CACNG2: variants seen among roughly 807,000 people sequenced by gnomAD.
CACNG2 encodes calcium voltage-gated channel auxiliary subunit gamma 2.
Under a neutral mutation model 25.9 loss-of-function variants are expected in CACNG2, and 3 were observed. That is an observed-to-expected ratio of 0.12 (90% CI 0.05 to 0.30). The LOEUF is 0.30. Ranked by LOEUF, CACNG2 falls within the 10% of genes least tolerant of loss-of-function variation. The pLI is 1.00. For missense variants in CACNG2, 341 were observed against 432.5 expected, an observed-to-expected ratio of 0.79 and a Z score of 1.88; for synonymous variants, 167 against 173.3, an observed-to-expected ratio of 0.96 and a Z score of 0.29.
intron 1 of CACNG2, among the ~76,000 whole-genome samples, chr22:36,609,116 C>A (rs1208006219): frequency 6.6e-6 from 1 of 152,132 alleles, no homozygotes; most frequent in East Asian, 1.9e-4. Flanking sequence ...CGGCAGGAAT[C>A]AGCCCCCTAG....
At position 36,564,298 on chromosome 22, in the gene CACNG2, G is replaced by GC. The variant is rs1294368762; in HGVS notation, c.*52dup. ...GGTCTGGGTCTCCCCGCCCCGCCCC[G>GC]CCCCCGGGGACCGCGCCCTCCTCCC... On this transcript the variant is annotated 3_prime_UTR_variant, in exon 4 of 4. Coordinates refer to ENST00000300105, the MANE Select transcript of CACNG2 (RefSeq NM_006078.5). The surrounding 1 kb of genome is among the most constrained non-coding windows in gnomAD (Gnocchi z 6.7). The GC allele has an allele frequency of 2.6e-6, 3 of 1,143,860 alleles. No homozygotes were observed. The African/African-American group carries it at 4.8e-5, about 18-fold the overall frequency. The allele number at this position is 1,143,860 out of a possible 1,614,324, so 70.9% of individuals were successfully genotyped here.
chr22:36,631,742 T>TA lies in CACNG2; in HGVS notation c.212-44195_212-44194insT, dbSNP rs71193251. Among the ~76,000 whole-genome samples, 224 of 145,174 alleles carry TA rather than the reference T, an allele frequency of 1.5e-3. 1 individual carries two copies. Among genetic ancestry groups the TA allele is most frequent in the Non-Finnish European group, 2.6e-3 (171 of 64,822 alleles). Reference sequence around the variant, plus strand: ...GCCCGGTTATGTGAGCAACTCTTTTTTTTTTTTTTTTTACTGTGAAGCCAG... The same window carrying TA: ...GCCCGGTTATGTGAGCAACTCTTTTTATTTTTTTTTTTTACTGTGAAGCCAG... On this transcript the variant is annotated intron_variant, in intron 1 of 3. Transcript: ENST00000300105.
At chr22:36,582,532 A>C (rs1443255101) in intron 2 of CACNG2, among the ~76,000 whole-genome samples, 1 of 151,416 alleles carries the variant, frequency 6.6e-6, no homozygotes, top group Admixed American at 6.6e-5. Flanking sequence ...CAGCCTCCTG[A>C]GTAGCTGGGA....
In CACNG2 at chr22:36,702,776, A is replaced by T; in HGVS notation, c.-200T>A. 1 of 543,062 alleles carries T rather than the reference A, an allele frequency of 1.8e-6. No individual in the cohort carries two copies. The highest frequency in any genetic ancestry group is 2.6e-5 in the South Asian group (1 of 38,334). The allele number at this position is 543,062 out of a possible 1,614,324, so 33.6% of individuals were successfully genotyped here. ...AAGCTCACGGAAAAGAGTGTAAATT[A>T]TAAAGATCACACGGGAAGAGGCTTG... On this transcript the variant is annotated 5_prime_UTR_variant, in exon 1 of 4. Coordinates refer to ENST00000300105, the MANE Select transcript of CACNG2 (RefSeq NM_006078.5).
intron 1 of CACNG2, among the ~76,000 whole-genome samples, chr22:36,601,054 C>G (rs1935747527): frequency 6.6e-6 from 1 of 152,132 alleles, no homozygotes; most frequent in Non-Finnish European, 1.5e-5. Context: ...ATATTATTAA[C>G]AATAGTCCCC....
intron 1 of CACNG2, among the ~76,000 whole-genome samples, chr22:36,632,469 CCTCTCTCTCT>C (rs131827): frequency 2.7e-5 from 4 of 145,734 alleles, no homozygotes; most frequent in East Asian, 2.1e-4. Flanking sequence ...TCTCTCCTCT[CCTCTCTCTCT>C]CTCTCTCTCT....
chr22:36,616,253 A>G (rs5756265), intron 1 of CACNG2, among the ~76,000 whole-genome samples: 13,338 of 152,072 alleles, frequency 0.088, 800 homozygotes, highest in East Asian at 0.23. Context: ...CATACTAAGA[A>G]CTCTGTAAAT....
chr22:36,665,016 A>C (rs1402387532), intron 1 of CACNG2, among the ~76,000 whole-genome samples: 2 of 152,148 alleles, frequency 1.3e-5, no homozygotes, highest in African/African-American at 4.8e-5. Context: ...GGCCTGCTAG[A>C]AGGACCTCAG....
At chr22:36,679,215 T>TTTCTTTCC (rs1937062347) in intron 1 of CACNG2, among the ~76,000 whole-genome samples, 1 of 137,218 alleles carries the variant, frequency 7.3e-6, no homozygotes, top group African/African-American at 2.7e-5. Context: ...TCTTTCTTTC[T>TTTCTTTCC]TTCTTTCTTT....
chr22:36,610,275 C>G (rs559045285), intron 1 of CACNG2, among the ~76,000 whole-genome samples: 8 of 141,812 alleles, frequency 5.6e-5, no homozygotes, highest in Non-Finnish European at 9.2e-5. Flanking sequence ...CCCCTTAGAG[C>G]GTGATTGGGC....
intron 1 of CACNG2, among the ~76,000 whole-genome samples, chr22:36,653,311 TG>T (rs1936648105): frequency 6.6e-6 from 1 of 151,614 alleles, no homozygotes; most frequent in Admixed American, 6.6e-5. Context: ...GCAACAAGAG[TG>T]AAGCTCAGTC....
At position 36,664,614 on chromosome 22, in the gene CACNG2, G is replaced by C. The variant is rs571095648; in HGVS notation, c.211+37752C>G. On this transcript the variant is annotated intron_variant, in intron 1 of 3. Coordinates refer to ENST00000300105, the MANE Select transcript of CACNG2 (RefSeq NM_006078.5). ...GGACCTGGAATCTGAAGCTAGATTT[G>C]AGGCCGACTGTCTTTCTACTCACTG... Among the ~76,000 whole-genome samples the C allele has an allele frequency of 3.9e-5, 6 of 152,296 alleles. No individual in the cohort carries two copies. The East Asian group carries it at 1.2e-3, about 29-fold the overall frequency.
chr22:36,586,861 C>G (rs1485823993), intron 2 of CACNG2, among the ~76,000 whole-genome samples: 1 of 152,078 alleles, frequency 6.6e-6, no homozygotes, highest in African/African-American at 2.4e-5. Flanking sequence ...AATGCTTTCT[C>G]TTGATAATAT....
chr22:36,593,832 C>T (rs929876929), intron 1 of CACNG2, among the ~76,000 whole-genome samples: 4 of 151,774 alleles, frequency 2.6e-5, no homozygotes, highest in Non-Finnish European at 4.4e-5. Flanking sequence ...ACTTGGAGCT[C>T]GGTGGGCCCT....
chr22:36,613,298 G>C (rs1310248205), intron 1 of CACNG2, among the ~76,000 whole-genome samples: 1 of 152,078 alleles, frequency 6.6e-6, no homozygotes, highest in Non-Finnish European at 1.5e-5. Flanking sequence ...GCACAGCAGG[G>C]AGTAATGAAA....
chr22:36,590,189 G>T (rs2145924007), intron 1 of CACNG2, among the ~76,000 whole-genome samples: 1 of 152,256 alleles, frequency 6.6e-6, no homozygotes, highest in African/African-American at 2.4e-5. Context: ...GCAAGCCTGG[G>T]CTTCACTCAT....
chr22:36,600,036 C>T (rs1027464655), intron 1 of CACNG2, among the ~76,000 whole-genome samples: 14 of 152,174 alleles, frequency 9.2e-5, no homozygotes, highest in African/African-American at 3.4e-4. Context: ...GGGATGTGCC[C>T]TTCTCAGTCC....
intron 1 of CACNG2, among the ~76,000 whole-genome samples, chr22:36,685,397 C>T (rs1237065128): frequency 6.6e-6 from 1 of 152,130 alleles, no homozygotes; most frequent in Non-Finnish European, 1.5e-5. Flanking sequence ...GAGCTTCTGC[C>T]CCCCGTCATC....
intron 1 of CACNG2, among the ~76,000 whole-genome samples, chr22:36,694,259 C>T (rs998346522): frequency 2.0e-5 from 3 of 152,266 alleles, no homozygotes; most frequent in South Asian, 4.1e-4. Flanking sequence ...TAATGTGGAA[C>T]ATTAAATTTG....
Sources: gnomAD v4.1 joint callset for allele counts (sites outside exome capture counted in the v4.1 genomes callset) on GRCh38, gnomAD v4.1.1 for gene constraint, Gnocchi (gnomAD v3.1) non-coding constraint, MANE v1.5 for transcripts, NCBI Gene and HGNC (gene_info 2026-07-23, HGNC 2026-07-21) for gene names.